TAPT1: variants seen among roughly 807,000 people sequenced by gnomAD.
The protein encoded by TAPT1 is transmembrane anterior posterior transformation 1, also known as transmembrane anterior posterior transformation protein 1 homolog.
A neutral mutation model predicts 65.6 loss-of-function variants in TAPT1; 28 were observed. The observed-to-expected ratio is 0.43, with a 90% CI of 0.32 to 0.59. The LOEUF (loss-of-function observed/expected upper bound fraction) is 0.59, where lower values mean the gene tolerates loss of function less well. TAPT1 is among the 20% of genes least tolerant of loss of function. The pLI, the probability that TAPT1 is intolerant of heterozygous loss-of-function variation, is 0.09. For missense variants in TAPT1, 563 were observed against 679.9 expected (o/e 0.83, Z 1.91); for synonymous variants, 278 against 245.2 (o/e 1.13, Z -1.25).
At chr4:16,227,265 G>A (rs1021767471), upstream of TAPT1, 6 of 455,374 alleles carry the variant, frequency 1.3e-5, no homozygotes, top group Non-Finnish European at 2.2e-5. Context: ...TGTCTTTCGG[G>A]ACTGGGGTTA....
At chr4:16,212,460 T>A (rs183869070) in intron 2 of TAPT1, among the ~76,000 whole-genome samples, 1 of 152,334 alleles carries the variant, frequency 6.6e-6, no homozygotes, top group East Asian at 1.9e-4. Flanking sequence ...TTTAATCTTT[T>A]ATTTTTTTCC....
chr4:16,176,345 A>T (rs1748322808), intron 8 of TAPT1, 117 bp from the exon 9 acceptor site: 1 of 574,298 alleles, frequency 1.7e-6, no homozygotes, highest in Non-Finnish European at 3.0e-6. Flanking sequence ...TCAGTAAATG[A>T]TGAACTAGCA....
chr4:16,182,920 A>G (rs1748794182), intron 7 of TAPT1: 1 of 152,206 alleles, frequency 6.6e-6, no homozygotes, highest in African/African-American at 2.4e-5. Flanking sequence ...TTTCTCCATG[A>G]AGTCTTCTAT....
intron 7 of TAPT1, among the ~76,000 whole-genome samples, chr4:16,185,584 G>A (rs1324169374): frequency 6.6e-6 from 1 of 152,158 alleles, no homozygotes; most frequent in African/African-American, 2.4e-5. Flanking sequence ...GGCCGGGCTG[G>A]TCTTGAACTC....
chr4:16,208,815 T>C (rs953290347), intron 2 of TAPT1, among the ~76,000 whole-genome samples: 1 of 152,232 alleles, frequency 6.6e-6, no homozygotes, highest in African/African-American at 2.4e-5. Flanking sequence ...TCTCCTTCCA[T>C]AGACTCAACT....
chr4:16,189,113 A>G lies in TAPT1; in HGVS notation c.613-758T>C, dbSNP rs10004142. Among the ~76,000 whole-genome samples the G allele has an allele frequency of 1.0e-2, 1,519 of 152,258 alleles. 25 individuals are homozygous for G. The highest frequency in any genetic ancestry group is 0.035 in the African/African-American group (1,471 of 41,530). On this transcript the variant is annotated intron_variant, in intron 4 of 13. Transcript: ENST00000405303. The stretch of plus-strand genomic sequence containing the variant: ...AATAAAATATGCAGATTTACTTCCT[A>G]ACCACATTTTCAGGTATCAATCTCC...
intron 10 of TAPT1, 198 bp from the exon 11 acceptor site, chr4:16,174,470 CAA>C: frequency 1.5e-6 from 1 of 671,708 alleles, no homozygotes; most frequent in East Asian, 2.8e-5. Context: ...TAAAATGCTG[CAA>C]AGAGCATATA....
chr4:16,205,276 A>G (rs978039017), intron 2 of TAPT1, among the ~76,000 whole-genome samples: 1 of 152,214 alleles, frequency 6.6e-6, no homozygotes, highest in African/African-American at 2.4e-5. Flanking sequence ...AATTACACTA[A>G]CCATCTTCTG....
rs1414970720 is a variant in TAPT1, at chr4:16,213,907, A to G, written c.200-9T>C. The G allele has an allele frequency of 6.3e-7, 1 of 1,581,528 alleles. No homozygotes were observed. Among genetic ancestry groups the G allele is most frequent in the Non-Finnish European group, 8.5e-7 (1 of 1,171,588 alleles). On this transcript the variant is annotated splice_polypyrimidine_tract_variant and intron_variant, in intron 1 of 13. Transcript: ENST00000405303. ...CCTCAACAATGAAAGCTCTACAGAA[A>G]AGAAAATGACAGAAAACAAAAAGAA...
At chr4:16,174,832 C>G (rs1748225566) in intron 9 of TAPT1, 103 bp from the exon 10 acceptor site, 3 of 840,576 alleles carry the variant, frequency 3.6e-6, no homozygotes, top group Non-Finnish European at 1.8e-6. Context: ...TAACCAGGAA[C>G]AAGTGCTAAT....
intron 2 of TAPT1, among the ~76,000 whole-genome samples, chr4:16,207,520 C>A (rs899396075): frequency 1.3e-5 from 2 of 152,184 alleles, no homozygotes; most frequent in Admixed American, 6.5e-5. Flanking sequence ...TCTACCCTCA[C>A]CATTCCTCAC....
chr4:16,173,025 A>T (rs1436841128), intron 11 of TAPT1, among the ~76,000 whole-genome samples: 2 of 151,970 alleles, frequency 1.3e-5, no homozygotes, highest in Non-Finnish European at 2.9e-5. Flanking sequence ...GGTTTCACCA[A>T]GTTAGCCAGG....
At chr4:16,179,800 ATATGTGTGTG>A in intron 7 of TAPT1, 143 bp from the exon 8 acceptor site, 2 of 402,584 alleles carry the variant, frequency 5.0e-6, no homozygotes, top group Non-Finnish European at 8.7e-6. Context: ...ATATATATAT[ATATGTGTGTG>A]TGTGTGTGTG....
intron 2 of TAPT1, 42 bp from the exon 3 acceptor site, chr4:16,202,622 A>T: frequency 1.8e-6 from 2 of 1,088,186 alleles, no homozygotes; most frequent in Non-Finnish European, 2.6e-6. Flanking sequence ...AAAGTATTTT[A>T]AAAATACTTG....
intron 3 of TAPT1, among the ~76,000 whole-genome samples, chr4:16,200,959 C>T (rs371147671): frequency 6.6e-6 from 1 of 152,128 alleles, no homozygotes; most frequent in South Asian, 2.1e-4. Flanking sequence ...AACTAAATTT[C>T]TAAAACTACC....
intron 12 of TAPT1, among the ~76,000 whole-genome samples, chr4:16,167,097 C>T (rs962269486): frequency 1.4e-5 from 2 of 146,788 alleles, no homozygotes; most frequent in African/African-American, 5.1e-5. Context: ...TGGGTTCATG[C>T]AATTCTTGGC....
At chr4:16,208,657 A>ACAGCTT (rs1422072223) in intron 2 of TAPT1, among the ~76,000 whole-genome samples, 10 of 151,576 alleles carry the variant, frequency 6.6e-5, no homozygotes, top group African/African-American at 2.2e-4. Context: ...TGGGTCCGTG[A>ACAGCTT]CAGCTTCATT....
intron 5 of TAPT1, 50 bp downstream of exon 5, chr4:16,188,170 G>A: frequency 6.7e-7 from 1 of 1,502,012 alleles, no homozygotes; most frequent in Non-Finnish European, 9.0e-7. Context: ...ATAAAATAAG[G>A]TAGACTATGC....
At chr4:16,180,753 C>T (rs1385622486) in intron 7 of TAPT1, among the ~76,000 whole-genome samples, 2 of 152,160 alleles carry the variant, frequency 1.3e-5, no homozygotes, top group Non-Finnish European at 2.9e-5. Context: ...TCCCTACATC[C>T]TTAAGCTCTT....
Sources: gnomAD v4.1 joint callset for allele counts (sites outside exome capture counted in the v4.1 genomes callset) on GRCh38, gnomAD v4.1.1 for gene constraint, MANE v1.5 for transcripts, NCBI Gene and HGNC (gene_info 2026-07-23, HGNC 2026-07-21) for gene names.